WDFY4: variants seen among roughly 807,000 people sequenced by gnomAD.
WDFY4 encodes WD repeat- and FYVE domain-containing protein 4.
A neutral mutation model predicts 351.9 loss-of-function variants in WDFY4; 169 were observed. The observed-to-expected ratio is 0.48, with a 90% CI of 0.42 to 0.55. WDFY4 has a LOEUF of 0.55. WDFY4 is among the 20% of genes least tolerant of loss of function. WDFY4 has a pLI of 0.00. For missense variants in WDFY4, 3,803 were observed against 3,935.6 expected, an observed-to-expected ratio of 0.97 and a Z score of 0.90; for synonymous variants, 1,622 against 1,574.6, an observed-to-expected ratio of 1.03 and a Z score of -0.71.
intron 2 of WDFY4, among the ~76,000 whole-genome samples, chr10:48,716,485 G>A (rs2063914779): frequency 6.6e-6 from 1 of 152,200 alleles, no homozygotes; most frequent in Non-Finnish European, 1.5e-5. Context: ...GTCCCAGTTT[G>A]GGAAAAAATT....
intron 1 of WDFY4, among the ~76,000 whole-genome samples, chr10:48,702,262 T>C (rs1472491424): frequency 6.6e-6 from 1 of 151,978 alleles, no homozygotes; most frequent in Non-Finnish European, 1.5e-5. Context: ...GCTCCATAGC[T>C]CAGAACTGCT....
chr10:48,785,641 G>A (rs539788400), intron 19 of WDFY4, among the ~76,000 whole-genome samples: 2 of 152,296 alleles, frequency 1.3e-5, no homozygotes, highest in South Asian at 2.1e-4. Context: ...AATCAGGTGA[G>A]CATTCTTATA....
intron 5 of WDFY4, among the ~76,000 whole-genome samples, chr10:48,725,004 G>A (rs2064218408): frequency 6.6e-6 from 1 of 152,200 alleles, no homozygotes; most frequent in Non-Finnish European, 1.5e-5. Flanking sequence ...CCAGAGAGCT[G>A]AGGGTTGTCA....
At chr10:48,806,426 A>C (rs551106038) in intron 27 of WDFY4, among the ~76,000 whole-genome samples, 1 of 151,968 alleles carries the variant, frequency 6.6e-6, no homozygotes, top group Admixed American at 6.6e-5. Flanking sequence ...ATGAGCCCCA[A>C]CTCCAGCAGT....
intron 1 of WDFY4, among the ~76,000 whole-genome samples, chr10:48,702,572 T>C (rs554347950): frequency 2.2e-4 from 33 of 152,214 alleles, no homozygotes; most frequent in Non-Finnish European, 4.1e-4. Flanking sequence ...GTGTGTTCCT[T>C]TGTACTGTAG....
At chr10:48,881,941 A>G (rs969385581) in intron 43 of WDFY4, among the ~76,000 whole-genome samples, 1 of 152,054 alleles carries the variant, frequency 6.6e-6, no homozygotes, top group Non-Finnish European at 1.5e-5. Flanking sequence ...GCCCCCTCTT[A>G]TTGCCTGACT....
intron 39 of WDFY4, among the ~76,000 whole-genome samples, chr10:48,864,805 C>A (rs1247632936): frequency 4.6e-5 from 7 of 152,116 alleles, no homozygotes; most frequent in Non-Finnish European, 8.8e-5. Flanking sequence ...TATTCCTAGG[C>A]ATTTCATTAT....
intron 1 of WDFY4, among the ~76,000 whole-genome samples, chr10:48,694,445 GAC>G (rs952563528): frequency 2.6e-5 from 4 of 151,948 alleles, no homozygotes; most frequent in African/African-American, 9.7e-5. Context: ...CTGCTTCTGT[GAC>G]ACCTCTTCCA....
intron 57 of WDFY4, among the ~76,000 whole-genome samples, chr10:48,973,473 G>A (rs928154877): frequency 2.0e-5 from 3 of 152,212 alleles, no homozygotes; most frequent in Admixed American, 6.5e-5. Context: ...CAAAGTGACA[G>A]CTTTGAAAAA....
At chr10:48,820,932 G>GAA in intron 33 of WDFY4, 130 bp from the exon 34 acceptor site, 1 of 667,772 alleles carries the variant, frequency 1.5e-6, no homozygotes. Context: ...CCAGAGAAGG[G>GAA]AAAATTGTGA....
chr10:48,882,388 G>A (rs1029660987), intron 43 of WDFY4, among the ~76,000 whole-genome samples: 2 of 152,198 alleles, frequency 1.3e-5, no homozygotes, highest in African/African-American at 4.8e-5. Context: ...ATTATTATTA[G>A]CAAAATGTCA....
chr10:48,804,828 G>A (rs550259417), intron 25 of WDFY4: 18 of 970,368 alleles, frequency 1.9e-5, no homozygotes, highest in Middle Eastern at 5.3e-4. Context: ...TTTCAGTGGC[G>A]TGTCTCTCCA....
intron 43 of WDFY4, among the ~76,000 whole-genome samples, chr10:48,885,726 C>A (rs1254540242): frequency 7.4e-5 from 10 of 135,172 alleles, no homozygotes; most frequent in African/African-American, 2.1e-4. Flanking sequence ...CTCTCTCTCT[C>A]TCTCTCTCTA....
chr10:48,793,010 A>T (rs1025727479), intron 23 of WDFY4, among the ~76,000 whole-genome samples: 1 of 152,230 alleles, frequency 6.6e-6, no homozygotes, highest in East Asian at 1.9e-4. Context: ...GGGTTTTGTT[A>T]AAAAAGGAAG....
At position 48,774,628 on chromosome 10, in the gene WDFY4, C is replaced by T. The variant is rs747936011; in HGVS notation, c.2724C>T (p.Ile908=). The T allele has an allele frequency of 1.3e-4, 207 of 1,551,652 alleles. No homozygotes were observed. Among genetic ancestry groups the T allele is most frequent in the Non-Finnish European group, 1.6e-4 (185 of 1,147,014 alleles). Residue 908 remains isoleucine (I), a synonymous_variant, in exon 14 of 62, where the codon ATC becomes ATT. Coordinates refer to ENST00000325239, the MANE Select transcript of WDFY4 (RefSeq NM_001394531.1). ...GSPLHSRLIR[I]FEKLASQAIE... is the part of the protein sequence containing the mutation. ...CCCTCCACTCACGCCTCATCAGGAT[C>T]TTTGAGAAGCTCGCTTCCCAGGCCA...
intron 6 of WDFY4, 40 bp downstream of exon 6, chr10:48,726,110 A>G (rs1172092310): frequency 2.6e-6 from 4 of 1,519,548 alleles, no homozygotes. Context: ...TGGGCCATGC[A>G]AGGGCTTCCC....
At chr10:48,914,938 C>G (rs1838375004) in intron 47 of WDFY4, among the ~76,000 whole-genome samples, 1 of 152,180 alleles carries the variant, frequency 6.6e-6, no homozygotes, top group African/African-American at 2.4e-5. Context: ...TTCTCTCATC[C>G]TTCACACTGG....
intron 47 of WDFY4, among the ~76,000 whole-genome samples, chr10:48,936,304 T>G (rs1245887284): frequency 6.6e-6 from 1 of 152,158 alleles, no homozygotes; most frequent in Non-Finnish European, 1.5e-5. Flanking sequence ...CATAATTTAA[T>G]GTAGACAGCA....
At chr10:48,820,941 G>T in intron 33 of WDFY4, 121 bp from the exon 34 acceptor site, 2 of 691,604 alleles carry the variant, frequency 2.9e-6, no homozygotes, top group South Asian at 1.7e-5. Flanking sequence ...GGAAAATTGT[G>T]AGCAGCCCAC....
Sources: gnomAD v4.1 joint callset for allele counts (sites outside exome capture counted in the v4.1 genomes callset) on GRCh38, gnomAD v4.1.1 for gene constraint, MANE v1.5 for transcripts, NCBI Gene and HGNC (gene_info 2026-07-23, HGNC 2026-07-21) for gene names.